BICRAL: variants seen among roughly 807,000 people sequenced by gnomAD.
BICRAL encodes the protein BRD4-interacting chromatin-remodeling complex-associated protein-like.
BICRAL carries 8 observed loss-of-function variants against 91.8 expected under a neutral mutation model. That is an observed-to-expected ratio of 0.09 (90% confidence interval 0.05 to 0.16). The LOEUF is 0.16. BICRAL is among the 10% of genes least tolerant of loss of function. The pLI, the probability that BICRAL is intolerant of heterozygous loss-of-function variation, is 1.00. For synonymous variants in BICRAL, 445 were observed against 491.1 expected, an observed-to-expected ratio of 0.91 and a Z score of 1.24; for missense variants, 1,038 against 1,310.9, an observed-to-expected ratio of 0.79 and a Z score of 3.21.
At chr6:42,791,493 T>G (rs1763270559) in intron 1 of BICRAL, among the ~76,000 whole-genome samples, 1 of 152,198 alleles carries the variant, frequency 6.6e-6, no homozygotes, top group African/African-American at 2.4e-5. Flanking sequence ...AGGACACTTT[T>G]TTTCATTAGG....
chr6:42,857,614 A>ATATATATATATAT (rs1554283187), intron 10 of BICRAL, among the ~76,000 whole-genome samples: 6 of 96,236 alleles, frequency 6.2e-5, no homozygotes, highest in African/African-American at 3.3e-4. Flanking sequence ...AAAAAAAAAA[A>ATATATATATATAT]ATATATATAT....
chr6:42,852,320 T>C, intron 7 of BICRAL, 123 bp downstream of exon 7: 2 of 722,212 alleles, frequency 2.8e-6, no homozygotes, highest in Non-Finnish European at 5.1e-6. Flanking sequence ...ATTATTCCTT[T>C]CTTTCTGTAT....
At chr6:42,846,382 A>ATAAGTT (rs1205351807) in intron 6 of BICRAL, among the ~76,000 whole-genome samples, 3 of 148,144 alleles carry the variant, frequency 2.0e-5, no homozygotes, top group African/African-American at 7.8e-5. Context: ...AAATAAAATA[A>ATAAGTT]ACAATAAGTT....
In BICRAL at chr6:42,867,355, C is replaced by T. The variant is rs1355678692; in HGVS notation, c.*1909C>T. ...AAAATCTGGCCCATTTTAGGGTTACCATTTTTTCCTTATTTGTGCCAATGT... is the reference window on the plus strand; with the variant it reads ...AAAATCTGGCCCATTTTAGGGTTACTATTTTTTCCTTATTTGTGCCAATGT... On this transcript the variant is annotated 3_prime_UTR_variant, in exon 13 of 13. Transcript: ENST00000314073. 6.5e-6 allele frequency: 1 copy of T among 153,648 alleles called. No individual in the cohort carries two copies. The highest frequency in any genetic ancestry group is 1.5e-5 in the Non-Finnish European group (1 of 68,754). 9.5% of individuals were successfully genotyped at this position (153,648 alleles called of 1,614,324 possible). A position where few individuals can be genotyped will look rare whatever the true frequency, so the allele number is the denominator to read the frequency against.
chr6:42,758,568 A>C (rs1749168584), intron 1 of BICRAL, among the ~76,000 whole-genome samples: 1 of 152,224 alleles, frequency 6.6e-6, no homozygotes, highest in South Asian at 2.1e-4. Context: ...TAAGAGATAC[A>C]GATAATTACA....
At position 42,857,615 on chromosome 6, in the gene BICRAL, AT is replaced by A. The variant is rs1238586067; in HGVS notation, c.2254+380del. The stretch of plus-strand genomic sequence containing the variant: ...CACTGTCTCTTAAAAAAAAAAAAAA[AT>A]ATATATATATATATATATATTTTTT... On this transcript the variant is annotated intron_variant, in intron 10 of 12. Transcript: ENST00000314073. Among the ~76,000 whole-genome samples, 64 of 65,730 alleles carry A rather than the reference AT, an allele frequency of 9.7e-4. 1 individual carries two copies. Among genetic ancestry groups the A allele is most frequent in the South Asian group, 5.7e-3 (12 of 2,088 alleles). 43.1% of individuals were successfully genotyped at this position (65,730 alleles called of 152,430 possible). A position where few individuals can be genotyped will look rare whatever the true frequency, so the allele number is the denominator to read the frequency against.
At chr6:42,849,732 C>T (rs962562957) in intron 6 of BICRAL, among the ~76,000 whole-genome samples, 1 of 151,924 alleles carries the variant, frequency 6.6e-6, no homozygotes, top group Admixed American at 6.6e-5. Context: ...AGCCACTGCG[C>T]CCGGCCTAGA....
intron 1 of BICRAL, among the ~76,000 whole-genome samples, chr6:42,784,294 A>G (rs1442557105): frequency 6.6e-6 from 1 of 152,204 alleles, no homozygotes; most frequent in East Asian, 1.9e-4. Context: ...GGTAGTATCT[A>G]TTAGAGATGG....
chr6:42,795,618 A>G (rs188142613), intron 1 of BICRAL, among the ~76,000 whole-genome samples: 102 of 152,340 alleles, frequency 6.7e-4, no homozygotes, highest in African/African-American at 2.4e-3. Flanking sequence ...TTTAGGACAT[A>G]AGAGGCTGTG....
In BICRAL at chr6:42,816,596, T is replaced by C. The variant is rs978930474; in HGVS notation, c.-5-5422T>C. Among the ~76,000 whole-genome samples the C allele has an allele frequency of 2.6e-5, 4 of 152,172 alleles. No homozygotes were observed. The East Asian group carries it at 7.8e-4, about 30-fold the overall frequency. On this transcript the variant is annotated intron_variant, in intron 2 of 12. Transcript: ENST00000314073. ...CAAGCACCACCACACCCAGCTAAAC[T>C]GACTTGAGGTTCTTGTACTTCATTT...
intron 6 of BICRAL, among the ~76,000 whole-genome samples, chr6:42,841,784 T>A (rs1017063303): frequency 1.1e-4 from 16 of 152,180 alleles, no homozygotes; most frequent in Admixed American, 9.2e-4. Context: ...CTAATTACGT[T>A]GGAGCTACAT....
In BICRAL at chr6:42,829,853, C is replaced by A. The variant is rs371884482; in HGVS notation, c.1520C>A (p.Thr507Asn). 6.2e-6 allele frequency: 10 copies of A among 1,614,090 alleles called. No individual in the cohort carries two copies. Among genetic ancestry groups the A allele is most frequent in the African/African-American group, 1.3e-5 (1 of 74,952 alleles). The stretch of plus-strand genomic sequence containing the variant: ...ATGCCCTTGCAGCAGGCATCCCCAA[C>A]TGTATTACACCTGTCACCTGGGCAG... ...GQMPLQQASPTVLHLSPGQSS... is the reference protein window; with the variant it reads ...GQMPLQQASPNVLHLSPGQSS... The change falls in exon 6 of 13, where the codon ACT becomes AAT. Residue 507 changes from threonine (T) to asparagine (N), a missense_variant. By Grantham distance (65) the Thr-to-Asn change is moderately conservative (BLOSUM62 0). This residue lies in a region of BICRAL where 532 missense variants were observed against 724.9 expected (regional missense o/e 0.73). Coordinates refer to ENST00000314073, the MANE Select transcript of BICRAL (RefSeq NM_001393499.1).
chr6:42,747,807 T>A (rs888356945), intron 1 of BICRAL, among the ~76,000 whole-genome samples: 1 of 103,822 alleles, frequency 9.6e-6, no homozygotes, highest in African/African-American at 3.4e-5. Context: ...TTTATTTTGT[T>A]TTTTTTTTTT....
intron 1 of BICRAL, among the ~76,000 whole-genome samples, chr6:42,805,550 A>G (rs1225739062): frequency 6.6e-6 from 1 of 152,298 alleles, no homozygotes; most frequent in Admixed American, 6.5e-5. Context: ...TGACCAACAC[A>G]TTAGAAAGGG....
intron 1 of BICRAL, among the ~76,000 whole-genome samples, chr6:42,793,101 G>A (rs1447112262): frequency 4.6e-5 from 6 of 129,586 alleles, no homozygotes; most frequent in African/African-American, 1.5e-4. Flanking sequence ...ATTTACAAGC[G>A]CATGCCACCA....
In BICRAL at chr6:42,835,973, TA is replaced by T. The variant is rs368225042; in HGVS notation, c.1839+5802del. 4.3e-3 allele frequency among the ~76,000 whole-genome samples: 656 copies of T among 152,230 alleles called. 8 individuals are homozygous for T. Among genetic ancestry groups the T allele is most frequent in the African/African-American group, 0.015 (625 of 41,540 alleles). On this transcript the variant is annotated intron_variant, in intron 6 of 12. Coordinates refer to ENST00000314073, the MANE Select transcript of BICRAL (RefSeq NM_001393499.1). Reference sequence around the variant, plus strand: ...AAGAAACAAAAAATGTGCAGTTAATTAGTAAGAATGTAAAACAGTTCCAAAG... The same window carrying T: ...AAGAAACAAAAAATGTGCAGTTAATTGTAAGAATGTAAAACAGTTCCAAAG...
rs531621481 is a variant in BICRAL, at chr6:42,750,826, C to T, written c.-261+3803C>T. 2.2e-3 allele frequency among the ~76,000 whole-genome samples: 325 copies of T among 150,762 alleles called. 1 individual carries two copies. Among genetic ancestry groups the T allele is most frequent in the Non-Finnish European group, 2.5e-3 (168 of 67,836 alleles). On this transcript the variant is annotated intron_variant, in intron 1 of 14. Transcript: ENST00000614467. ...CTCCTGACCTGAGATGATCCGCCTGCCTCAGCCTCCCAAAGTGCTGGGATT... is the reference window on the plus strand; with the variant it reads ...CTCCTGACCTGAGATGATCCGCCTGTCTCAGCCTCCCAAAGTGCTGGGATT...
chr6:42,830,944 T>C (rs1764458728), intron 6 of BICRAL, among the ~76,000 whole-genome samples: 1 of 152,180 alleles, frequency 6.6e-6, no homozygotes, highest in Admixed American at 6.6e-5. Context: ...AGTGTAGCAT[T>C]GTAGAGTGGA....
chr6:42,855,777 T>C, intron 8 of BICRAL, 79 bp from the exon 9 acceptor site: 2 of 1,088,574 alleles, frequency 1.8e-6, no homozygotes, highest in Non-Finnish European at 1.4e-6. Flanking sequence ...TGAAAATATG[T>C]GAACTATAGT....
Sources: gnomAD v4.1 joint callset for allele counts (sites outside exome capture counted in the v4.1 genomes callset) on GRCh38, gnomAD v4.1.1 for gene constraint, gnomAD v4.1.1 regional missense constraint, MANE v1.5 for transcripts, NCBI Gene and HGNC (gene_info 2026-07-23, HGNC 2026-07-21) for gene names.